PTPRM: variants seen among roughly 807,000 people sequenced by gnomAD.
PTPRM encodes the protein protein tyrosine phosphatase receptor type M.
A neutral mutation model predicts 186.7 loss-of-function variants in PTPRM; 47 were observed. The observed-to-expected ratio is 0.25, with a 90% confidence interval of 0.20 to 0.32. The LOEUF (loss-of-function observed/expected upper bound fraction) is 0.32, where lower values mean the gene tolerates loss of function less well. Ranked by LOEUF, PTPRM falls within the 10% of genes least tolerant of loss-of-function variation. The pLI is 1.00. For synonymous variants in PTPRM, 668 were observed against 674.9 expected (o/e 0.99, Z 0.16); for missense variants, 1,494 against 1,865.0 (o/e 0.80, Z 3.66).
At chr18:7,757,712 C>T (rs1453039676) in intron 1 of PTPRM, among the ~76,000 whole-genome samples, 2 of 152,142 alleles carry the variant, frequency 1.3e-5, no homozygotes, top group Non-Finnish European at 2.9e-5. Context: ...CTAGTACATT[C>T]TGTGGCAGTG....
At chr18:7,827,283 C>G (rs1437564832) in intron 2 of PTPRM, among the ~76,000 whole-genome samples, 1 of 152,172 alleles carries the variant, frequency 6.6e-6, no homozygotes, top group Non-Finnish European at 1.5e-5. Flanking sequence ...ACATCACTCT[C>G]GACTCTCCTG....
intron 1 of PTPRM, among the ~76,000 whole-genome samples, chr18:7,717,474 C>T (rs2040360707): frequency 1.3e-5 from 2 of 152,172 alleles, no homozygotes; most frequent in South Asian, 4.1e-4. Context: ...GTAAAATCGC[C>T]CACAGTTACC....
At position 8,405,990 on chromosome 18, in the gene PTPRM, C is replaced by G. The variant is rs905271252; in HGVS notation, c.4345-119C>G. 3 of 902,756 alleles carry G rather than the reference C, an allele frequency of 3.3e-6. No individual in the cohort carries two copies. The African/African-American group carries it at 4.9e-5, about 15-fold the overall frequency. The allele number at this position is 902,756 out of a possible 1,614,324, so 55.9% of individuals were successfully genotyped here. ...AGAACCGTGACTTTCTGATTCATTT[C>G]TAATTCAAATCCTCCCAGATTGATG... On this transcript the variant is annotated intron_variant, in intron 32 of 32. Coordinates refer to ENST00000580170, the MANE Select transcript of PTPRM (RefSeq NM_001105244.2).
chr18:8,182,582 GC>G (rs2093590598), intron 14 of PTPRM, among the ~76,000 whole-genome samples: 1 of 152,102 alleles, frequency 6.6e-6, no homozygotes, highest in Non-Finnish European at 1.5e-5. Flanking sequence ...TAGATGTCTA[GC>G]CCACACTTTG....
intron 20 of PTPRM, among the ~76,000 whole-genome samples, chr18:8,312,315 A>T (rs600032): frequency 6.6e-6 from 1 of 152,052 alleles, no homozygotes; most frequent in Non-Finnish European, 1.5e-5. Context: ...AACCCCCAAC[A>T]GTGGAAAACA....
intron 32 of PTPRM, chr18:8,405,210 T>G (rs1386828346): frequency 6.6e-6 from 1 of 151,642 alleles, no homozygotes; most frequent in Non-Finnish European, 1.5e-5. Context: ...TAATTCCCTG[T>G]CTGATGAAGA....
intron 1 of PTPRM, among the ~76,000 whole-genome samples, chr18:7,762,409 T>A (rs1568093115): frequency 6.6e-6 from 1 of 151,516 alleles, no homozygotes; most frequent in Non-Finnish European, 1.5e-5. Flanking sequence ...TCATTGGGGG[T>A]GAATCTACAG....
chr18:7,751,914 A>T (rs984857079), intron 1 of PTPRM, among the ~76,000 whole-genome samples: 1 of 152,216 alleles, frequency 6.6e-6, no homozygotes, highest in Non-Finnish European at 1.5e-5. Flanking sequence ...TTAGTAAATA[A>T]TGACAAGTGT....
At chr18:7,833,006 C>A (rs556753595) in intron 2 of PTPRM, among the ~76,000 whole-genome samples, 1 of 152,072 alleles carries the variant, frequency 6.6e-6, no homozygotes, top group African/African-American at 2.4e-5. Flanking sequence ...GTACCATGTT[C>A]TTTTGGTTAC....
intron 1 of PTPRM, among the ~76,000 whole-genome samples, chr18:7,633,892 T>C (rs148508647): frequency 2.1e-4 from 32 of 152,250 alleles, no homozygotes; most frequent in African/African-American, 7.0e-4. Flanking sequence ...CTGGCGTGAT[T>C]CTTCCCTAGG....
intron 14 of PTPRM, among the ~76,000 whole-genome samples, chr18:8,239,450 A>T: frequency 6.6e-6 from 1 of 152,064 alleles, no homozygotes; most frequent in Non-Finnish European, 1.5e-5. Flanking sequence ...AAAACCTGGT[A>T]GGGTTCCTGG....
chr18:8,100,022 G>T (rs1421415888), intron 11 of PTPRM, among the ~76,000 whole-genome samples: 1 of 152,138 alleles, frequency 6.6e-6, no homozygotes, highest in African/African-American at 2.4e-5. Context: ...GGCCTCAGAA[G>T]CCTCCAATAT....
At chr18:7,616,745 G>A (rs1375571032) in intron 1 of PTPRM, among the ~76,000 whole-genome samples, 1 of 152,180 alleles carries the variant, frequency 6.6e-6, no homozygotes, top group African/African-American at 2.4e-5. Flanking sequence ...GGAAAGCATA[G>A]TTTTCAGAAG....
chr18:8,133,503 C>A lies in PTPRM; in HGVS notation c.2168-10144C>A, dbSNP rs563749265. Among the ~76,000 whole-genome samples the A allele has an allele frequency of 1.1e-4, 17 of 152,252 alleles. No individual in the cohort carries two copies. The East Asian group carries it at 2.3e-3, about 21-fold the overall frequency. The stretch of plus-strand genomic sequence containing the variant: ...TAGTTAAGTTCTGTGCAAGAGGGGA[C>A]AAGCAAGGTGCTCTAGGAGTTCAGC... On this transcript the variant is annotated intron_variant, in intron 13 of 32. Transcript: ENST00000580170.
chr18:7,876,919 A>G (rs1180083153), intron 2 of PTPRM, among the ~76,000 whole-genome samples: 1 of 152,216 alleles, frequency 6.6e-6, no homozygotes, highest in Non-Finnish European at 1.5e-5. Flanking sequence ...TACAACCTAC[A>G]TGATCTTGAG....
At chr18:8,347,957 G>A (rs1206780612) in intron 23 of PTPRM, among the ~76,000 whole-genome samples, 2 of 152,178 alleles carry the variant, frequency 1.3e-5, no homozygotes, top group East Asian at 3.9e-4. Context: ...GGCATGATTT[G>A]GGGGTTTTGA....
chr18:8,135,256 G>A (rs990907389), intron 13 of PTPRM, among the ~76,000 whole-genome samples: 2 of 152,104 alleles, frequency 1.3e-5, no homozygotes, highest in African/African-American at 4.8e-5. Flanking sequence ...TTTTCAAATA[G>A]TGCAATCAAT....
At chr18:8,331,940 G>A (rs1598333887) in intron 22 of PTPRM, among the ~76,000 whole-genome samples, 2 of 152,328 alleles carry the variant, frequency 1.3e-5, no homozygotes, top group South Asian at 2.1e-4. Flanking sequence ...CTTCCCTGGT[G>A]CACACTTAAA....
intron 2 of PTPRM, among the ~76,000 whole-genome samples, chr18:7,866,541 G>A (rs79730822): frequency 6.6e-6 from 1 of 152,182 alleles, no homozygotes; most frequent in South Asian, 2.1e-4. Context: ...TCTGCACTGT[G>A]GTCTGAGAGA....
Sources: gnomAD v4.1 joint callset for allele counts (sites outside exome capture counted in the v4.1 genomes callset) on GRCh38, gnomAD v4.1.1 for gene constraint, MANE v1.5 for transcripts, NCBI Gene and HGNC (gene_info 2026-07-23, HGNC 2026-07-21) for gene names.